NHS: variants seen among roughly 807,000 people sequenced by gnomAD.
The protein encoded by NHS is actin remodeling regulator NHS.
In NHS, 5 loss-of-function variants were observed where a neutral mutation model predicts 72.5. The ratio of observed to expected loss-of-function variants is 0.07; its 90% CI spans 0.04 to 0.14. The LOEUF (loss-of-function observed/expected upper bound fraction) is 0.14. NHS is among the 10% of genes least tolerant of loss of function. The pLI is 1.00. For synonymous variants in NHS, 464 were observed against 547.7 expected (o/e 0.85, Z 2.13); for missense variants, 1,072 against 1,355.7 (o/e 0.79, Z 3.29).
chrX:17,685,252 C>T (rs1490212982), intron 1 of NHS, among the ~76,000 whole-genome samples: 1 of 111,811 alleles, frequency 8.9e-6, no homozygotes, highest in African/African-American at 3.3e-5. Context: ...TCCTCCTTTC[C>T]CTGTCTAAGA....
At position 17,704,857 on chromosome X, in the gene NHS, G is replaced by A. The variant is rs764512741; in HGVS notation, c.852+12389G>A. On this transcript the variant is annotated intron_variant, in intron 3 of 8. Coordinates refer to ENST00000676302, the MANE Select transcript of NHS (RefSeq NM_001291867.2). The stretch of plus-strand genomic sequence containing the variant: ...GCCACGTGGAACAGAGGGAATTTGG[G>A]GGGTTAATAAAAATCAGGGAGGCTA... Among the ~76,000 whole-genome samples, 4 of 112,106 alleles carry A rather than the reference G, an allele frequency of 3.6e-5. No homozygotes were observed. In the South Asian group the frequency reaches 1.5e-3, roughly 42 times the overall value.
At chrX:17,436,462 C>A (rs2064723315) in intron 1 of NHS, among the ~76,000 whole-genome samples, 1 of 110,409 alleles carries the variant, frequency 9.1e-6, no homozygotes, top group African/African-American at 3.3e-5. Flanking sequence ...GGTGTGGAAA[C>A]AAATGTTTGG....
At chrX:17,629,894 C>T (rs1254904754) in intron 1 of NHS, among the ~76,000 whole-genome samples, 1 of 110,237 alleles carries the variant, frequency 9.1e-6, no homozygotes, top group East Asian at 2.9e-4. Flanking sequence ...GTGGTGAATA[C>T]AAAATTAGCT....
At chrX:17,407,568 T>G (rs183284919) in intron 1 of NHS, among the ~76,000 whole-genome samples, 1,299 of 111,543 alleles carry the variant, frequency 0.012, 15 homozygotes, top group African/African-American at 0.032. Flanking sequence ...TGATTTTTTT[T>G]GGGGGAAGAT....
intron 1 of NHS, among the ~76,000 whole-genome samples, chrX:17,668,853 A>G (rs1030682584): frequency 9.0e-6 from 1 of 111,361 alleles, no homozygotes; most frequent in Non-Finnish European, 1.9e-5. Context: ...ACTCTGGGAG[A>G]TAGTGTAGAA....
intron 1 of NHS, among the ~76,000 whole-genome samples, chrX:17,484,133 A>G (rs986362512): frequency 8.9e-6 from 1 of 112,290 alleles, no homozygotes; most frequent in African/African-American, 3.2e-5. Context: ...TGGAATTCCT[A>G]AACACTACTA....
chrX:17,657,238 C>A (rs1391577965), intron 1 of NHS, among the ~76,000 whole-genome samples: 5 of 112,850 alleles, frequency 4.4e-5, no homozygotes, highest in African/African-American at 1.6e-4. Flanking sequence ...CCTTCCTCAC[C>A]CCCCTGCGGG....
chrX:17,390,694 C>A (rs762030782), intron 1 of NHS, among the ~76,000 whole-genome samples: 81 of 112,157 alleles, frequency 7.2e-4, no homozygotes, highest in African/African-American at 2.5e-3. Context: ...TGTTGGAACC[C>A]TGCTCAGGTA....
intron 1 of NHS, among the ~76,000 whole-genome samples, chrX:17,460,077 G>C (rs910539413): frequency 9.0e-6 from 1 of 111,381 alleles, no homozygotes; most frequent in East Asian, 2.8e-4. Context: ...GGGTGAACAA[G>C]AGGTTAGAAA....
At chrX:17,587,083 A>G in intron 1 of NHS, 1 of 112,586 alleles carries the variant, frequency 8.9e-6, no homozygotes, top group African/African-American at 3.2e-5. Context: ...TCCATTGATT[A>G]ATTAATTTAT....
At chrX:17,592,691 A>G (rs555939654) in intron 1 of NHS, among the ~76,000 whole-genome samples, 3 of 112,132 alleles carry the variant, frequency 2.7e-5, no homozygotes, top group African/African-American at 9.7e-5. Flanking sequence ...AAAAAAAGAG[A>G]AATGTGCCAG....
intron 1 of NHS, among the ~76,000 whole-genome samples, chrX:17,389,670 C>T (rs184016605): frequency 1.1e-3 from 116 of 109,940 alleles, no homozygotes; most frequent in African/African-American, 3.5e-3. Context: ...GGTGCAATCT[C>T]AGCTCACTGC....
At chrX:17,522,499 C>CCCT (rs2065153855) in intron 1 of NHS, among the ~76,000 whole-genome samples, 1 of 59,167 alleles carries the variant, frequency 1.7e-5, no homozygotes, top group Non-Finnish European at 3.8e-5. Context: ...AGCCGCCCCC[C>CCCT]CCCCCCCGCC....
intron 1 of NHS, among the ~76,000 whole-genome samples, chrX:17,455,112 A>G (rs1441035896): frequency 9.0e-6 from 1 of 111,496 alleles, no homozygotes; most frequent in African/African-American, 3.3e-5. Flanking sequence ...AGTAAAGTGG[A>G]ATTGCCCTTT....
intron 1 of NHS, among the ~76,000 whole-genome samples, chrX:17,647,294 A>G (rs1355278797): frequency 5.3e-5 from 6 of 112,662 alleles, no homozygotes. Flanking sequence ...TATAATAAAT[A>G]AAGCTAGTAA....
At chrX:17,597,867 A>G (rs2065632348) in intron 1 of NHS, among the ~76,000 whole-genome samples, 1 of 111,241 alleles carries the variant, frequency 9.0e-6, no homozygotes, top group Admixed American at 9.5e-5. Context: ...CTCATTCACT[A>G]GGGATGTTCA....
At chrX:17,538,105 A>C in intron 1 of NHS, among the ~76,000 whole-genome samples, 1 of 111,557 alleles carries the variant, frequency 9.0e-6, no homozygotes, top group Non-Finnish European at 1.9e-5. Context: ...GAGAGGGTGG[A>C]ATTGGAGGCA....
At chrX:17,604,904 G>A (rs1253178423) in intron 1 of NHS, among the ~76,000 whole-genome samples, 3 of 111,827 alleles carry the variant, frequency 2.7e-5, no homozygotes, top group Admixed American at 9.5e-5. Flanking sequence ...GCTCACCCTC[G>A]GGTGTCTCAC....
chrX:17,715,161 A>T (rs192989981), intron 3 of NHS, among the ~76,000 whole-genome samples: 163 of 111,761 alleles, frequency 1.5e-3, no homozygotes, highest in Non-Finnish European at 2.4e-3. Flanking sequence ...ATAGTCTTTC[A>T]TCCCTGACCT....
Sources: gnomAD v4.1 joint callset for allele counts (sites outside exome capture counted in the v4.1 genomes callset) on GRCh38, gnomAD v4.1.1 for gene constraint, MANE v1.5 for transcripts, NCBI Gene and HGNC (gene_info 2026-07-23, HGNC 2026-07-21) for gene names.